The following PRSS56 variants were observed in gnomAD, a reference collection of about 807,000 sequenced individuals.
The protein encoded by PRSS56 is protease, serine 56.
Under a neutral mutation model 66.8 loss-of-function variants are expected in PRSS56, and 55 were observed. The ratio of observed to expected loss-of-function variants is 0.82; its 90% CI spans 0.66 to 1.03. The LOEUF is 1.03. Ranked by LOEUF, PRSS56 falls within the 50% of genes least tolerant of loss-of-function variation. PRSS56 has a pLI of 0.00. For synonymous variants in PRSS56, 409 were observed against 387.9 expected (o/e 1.05, Z -0.64); for missense variants, 869 against 837.2 (o/e 1.04, Z -0.47).
rs1691339994 is a variant in PRSS56 at position 232,523,900 on chromosome 2, G to A, written c.1141G>A (p.Ala381Thr). The stretch of plus-strand genomic sequence containing the variant: ...GTGCCCGGGGTCCCAGGGCGCCTGT[G>A]CGCGCCTGGCGCACCAGCAGTGCCT... ...RLCPGSQGAC[A>T]RLAHQQCLQR... is the part of the protein sequence containing the mutation. The change falls in exon 9 of 13, where the codon GCG (alanine) becomes ACG (threonine). Residue 381 changes from alanine (A) to threonine (T), a missense_variant. Physicochemically the swap from Ala to Thr is moderately conservative, Grantham distance 58. Around this residue, in one of 3 missense-constraint regions of PRSS56, gnomAD observed 551 missense variants for 506.9 expected, o/e 1.09. Coordinates refer to ENST00000617714, the MANE Select transcript of PRSS56 (RefSeq NM_001195129.2). 1 of 1,519,862 alleles carries A rather than the reference G, an allele frequency of 6.6e-7. No individual in the cohort carries two copies. Among genetic ancestry groups the A allele is most frequent in the Non-Finnish European group, 8.8e-7 (1 of 1,138,904 alleles). 94.1% of individuals were successfully genotyped at this position (1,519,862 alleles called of 1,614,324 possible). A position where few individuals can be genotyped will look rare whatever the true frequency, so the allele number is the denominator to read the frequency against.
In PRSS56 at chr2:232,522,561, C is replaced by CG. The variant is rs1559289170; in HGVS notation, c.499dup (p.Glu167GlyfsTer18). On this transcript the variant is annotated frameshift_variant, in exon 5 of 13. Transcript: ENST00000617714. LOFTEE classifies it high-confidence loss of function. ...GACTGTGACGCTGGCAGAGGGGTCC[C>CG]GGGGGGAGCAAGCGGAGGAGGTGCC... 9 of 1,535,258 alleles carry CG rather than the reference C, an allele frequency of 5.9e-6. No homozygotes were observed. In the Admixed American group the frequency reaches 9.8e-5, roughly 17 times the overall value.
intron 1 of PRSS56, 116 bp downstream of exon 1, chr2:232,520,811 C>T (rs1691260412): frequency 1.6e-6 from 1 of 639,202 alleles, no homozygotes; most frequent in African/African-American, 1.8e-5. Context: ...CCTTTGGCTC[C>T]TTCTGCCCAC....
rs1433739377 is a variant in PRSS56, at chr2:232,522,733, C to T, written c.578C>T (p.Ala193Val). ...CCGCGGACCTTCCACAACGACCTGG[C>T]CCTGGTGCAGCTGTGGACGCCGGTG... ...FDPRTFHNDL[A>V]LVQLWTPVSP... The change falls in exon 6 of 13, where the codon GCC becomes GTC. Residue 193 changes from alanine (A) to valine (V), a missense_variant. Transcript: ENST00000617714. The T allele has an allele frequency of 1.3e-6, 2 of 1,534,494 alleles. No individual in the cohort carries two copies. The highest frequency in any genetic ancestry group is 2.4e-5 in the East Asian group (1 of 40,836).
At position 232,524,192 on chromosome 2, in the gene PRSS56, G is replaced by A; in HGVS notation, c.1340G>A (p.Arg447Gln). The A allele has an allele frequency of 6.5e-7, 1 of 1,530,200 alleles. No homozygotes were observed. Among genetic ancestry groups the A allele is most frequent in the South Asian group, 1.2e-5 (1 of 83,704 alleles). The allele number at this position is 1,530,200 out of a possible 1,614,324, so 94.8% of individuals were successfully genotyped here. ...CCTCTGCACCCCGCCCGGGAGCTGC[G>A]GCTTCACTCAGGTACCCCGCGCCCT... ...ESPLHPAREL[R>Q]LHSGSRAAGT... Residue 447 changes from arginine (R) to glutamine (Q), a missense_variant, in exon 10 of 13, where the codon CGG (arginine) becomes CAG (glutamine). Physicochemically the swap from Arg to Gln is conservative, Grantham distance 43. Coordinates refer to ENST00000617714, the MANE Select transcript of PRSS56 (RefSeq NM_001195129.2).
At chr2:232,523,295 C>T (rs1347705134) in intron 7 of PRSS56, 93 bp downstream of exon 7, 7 of 1,422,406 alleles carry the variant, frequency 4.9e-6, no homozygotes, top group East Asian at 2.6e-5. Flanking sequence ...CACTCGACTT[C>T]TCTGAGCCTC....
chr2:232,523,138 C>T lies in PRSS56; in HGVS notation c.785C>T (p.Pro262Leu), dbSNP rs773531912. 1 of 1,532,086 alleles carries T rather than the reference C, an allele frequency of 6.5e-7. No individual in the cohort carries two copies. Among genetic ancestry groups the T allele is most frequent in the South Asian group, 1.2e-5 (1 of 83,604 alleles). The allele number at this position is 1,532,086 out of a possible 1,614,324, so 94.9% of individuals were successfully genotyped here. A position where few individuals can be genotyped will look rare whatever the true frequency, so the allele number is the denominator to read the frequency against. ...GACACCTGCCGAAGAGCCCTGGGGC[C>T]CGGGCTGCGCCCCAGCACCATGCTC... is the stretch of plus-strand genomic sequence containing the variant. Reference protein sequence around the residue: ...STDTCRRALGPGLRPSTMLCA... With the variant: ...STDTCRRALGLGLRPSTMLCA... The change falls in exon 7 of 13, where the codon CCC becomes CTC. Residue 262 changes from proline to leucine, a missense_variant. Transcript: ENST00000617714.
intron 1 of PRSS56, 94 bp from the exon 2 acceptor site, chr2:232,521,227 G>T: frequency 1.1e-6 from 1 of 948,338 alleles, no homozygotes; most frequent in East Asian, 2.6e-5. Context: ...CAGGCTGGTG[G>T]GTCTCCCGAG....
In PRSS56 at chr2:232,524,163, G is replaced by A. The variant is rs2106202552; in HGVS notation, c.1311G>A (p.Glu437=). ...CTCTCCCCGCTCCAGCGCTCAGGGAGTCTCCTCTGCACCCCGCCCGGGAGC... is the reference window on the plus strand; with the variant it reads ...CTCTCCCCGCTCCAGCGCTCAGGGAATCTCCTCTGCACCCCGCCCGGGAGC... ...ALALPAPALR[E]SPLHPARELR... is the part of the protein sequence containing the mutation. The change falls in exon 10 of 13, where the codon GAG becomes GAA. Residue 437 remains glutamate (E), a synonymous_variant. Coordinates refer to ENST00000617714, the MANE Select transcript of PRSS56 (RefSeq NM_001195129.2). 2 of 1,522,530 alleles carry A rather than the reference G, an allele frequency of 1.3e-6. No individual in the cohort carries two copies. Among genetic ancestry groups the A allele is most frequent in the South Asian group, 2.4e-5 (2 of 82,634 alleles). 94.3% of individuals were successfully genotyped at this position (1,522,530 alleles called of 1,614,324 possible).
chr2:232,521,719 C>G (rs1160279761), intron 2 of PRSS56, 97 bp from the exon 3 acceptor site: 1 of 1,234,584 alleles, frequency 8.1e-7, no homozygotes, highest in African/African-American at 1.5e-5. Context: ...GAGGGCTGAG[C>G]GCGAAAGGAG....
Position 232,522,709 on chromosome 2 carries a change from C to T in PRSS56, c.554C>T (p.Pro185Leu), listed in dbSNP as rs1251147670. Residue 185 changes from proline (P) to leucine (L), a missense_variant, in exon 6 of 13, where the codon CCG becomes CTG. Physicochemically the swap from Pro to Leu is moderately conservative, Grantham distance 98. This residue lies in a region of PRSS56 where 315 missense variants were observed against 313.7 expected (regional missense o/e 1.00). Transcript: ENST00000617714. ...NRILPHPKFDPRTFHNDLALV... is the reference protein window; with the variant it reads ...NRILPHPKFDLRTFHNDLALV... ...CCGCCTCCCCCTCCTCAGTTTGACC[C>T]GCGGACCTTCCACAACGACCTGGCC... The T allele has an allele frequency of 2.0e-6, 3 of 1,534,362 alleles. No individual in the cohort carries two copies. Among genetic ancestry groups the T allele is most frequent in the Admixed American group, 3.9e-5 (2 of 50,902 alleles).
chr2:232,524,624 A>G, intron 11 of PRSS56, 114 bp from the exon 12 acceptor site: 1 of 763,318 alleles, frequency 1.3e-6, no homozygotes, highest in Non-Finnish European at 2.1e-6. Context: ...CACCTATAGC[A>G]TAAGAGGATA....
At position 232,524,286 on chromosome 2, in the gene PRSS56, C is replaced by T. The variant is rs1235744211; in HGVS notation, c.1352-21C>T. On this transcript the variant is annotated intron_variant, in intron 10 of 12. Coordinates refer to ENST00000617714, the MANE Select transcript of PRSS56 (RefSeq NM_001195129.2). Reference sequence around the variant, plus strand: ...GCCACTTTCTCCGCCGAGGCGGTACCCTAACCCTGTGCCTCCCCAGGATCG... The same window carrying T: ...GCCACTTTCTCCGCCGAGGCGGTACTCTAACCCTGTGCCTCCCCAGGATCG... 6 of 1,535,596 alleles carry T rather than the reference C, an allele frequency of 3.9e-6. No homozygotes were observed. In the South Asian group the frequency reaches 5.9e-5, roughly 15 times the overall value.
In PRSS56 at chr2:232,524,131, G is replaced by A. The variant is rs1003172681; in HGVS notation, c.1279G>A (p.Ala427Thr). 1.3e-6 allele frequency: 2 copies of A among 1,510,268 alleles called. No homozygotes were observed. Among genetic ancestry groups the A allele is most frequent in the Non-Finnish European group, 1.8e-6 (2 of 1,136,544 alleles). 93.6% of individuals were successfully genotyped at this position (1,510,268 alleles called of 1,614,324 possible). The change falls in exon 10 of 13, where the codon GCC becomes ACC. Residue 427 changes from alanine to threonine, a missense_variant. Physicochemically the swap from Ala to Thr is moderately conservative, Grantham distance 58. This residue lies in a region of PRSS56 where 551 missense variants were observed against 506.9 expected (regional missense o/e 1.09). Transcript: ENST00000617714. Reference sequence around the variant, plus strand: ...TCCGGGACTGCGGCGCCTGGCCCCCGCCCTGGCTCTCCCCGCTCCAGCGCT... The same window carrying A: ...TCCGGGACTGCGGCGCCTGGCCCCCACCCTGGCTCTCCCCGCTCCAGCGCT... ...PRPGLRRLAPALALPAPALRE... is the reference protein window; with the variant it reads ...PRPGLRRLAPTLALPAPALRE...
rs539049972 is a variant in PRSS56 at position 232,524,115 on chromosome 2, G to A, written c.1263G>A (p.Leu421=). 56 of 1,512,902 alleles carry A rather than the reference G, an allele frequency of 3.7e-5. No homozygotes were observed. The East Asian group carries it at 1.4e-3, about 38-fold the overall frequency. 93.7% of individuals were successfully genotyped at this position (1,512,902 alleles called of 1,614,324 possible). A position where few individuals can be genotyped will look rare whatever the true frequency, so the allele number is the denominator to read the frequency against. ...AQELLGPRPG[L]RRLAPALALP... ...AGCTGCTCGGGCCTCGTCCGGGACTGCGGCGCCTGGCCCCCGCCCTGGCTC... is the reference window on the plus strand; with the variant it reads ...AGCTGCTCGGGCCTCGTCCGGGACTACGGCGCCTGGCCCCCGCCCTGGCTC... Residue 421 remains leucine, a synonymous_variant, in exon 10 of 13, where the codon CTG becomes CTA. Transcript: ENST00000617714.
chr2:232,522,890 G>A, intron 6 of PRSS56, 29 bp downstream of exon 6: 1 of 1,448,146 alleles, frequency 6.9e-7, no homozygotes, highest in Non-Finnish European at 9.1e-7. Flanking sequence ...CCGGCGCGTG[G>A]TGGGAAGAAC....
intron 8 of PRSS56, 91 bp downstream of exon 8, chr2:232,523,669 A>G: frequency 6.6e-7 from 1 of 1,514,898 alleles, no homozygotes; most frequent in Non-Finnish European, 8.8e-7. Flanking sequence ...GCCCATTCCC[A>G]GCTCCCTTCT....
Position 232,522,783 on chromosome 2 carries a change from G to C in PRSS56, c.628G>C (p.Val210Leu), listed in dbSNP as rs1409226116. The C allele has an allele frequency of 1.3e-6, 2 of 1,519,504 alleles. No individual in the cohort carries two copies. The highest frequency in any genetic ancestry group is 1.8e-6 in the Non-Finnish European group (2 of 1,136,058). 94.1% of individuals were successfully genotyped at this position (1,519,504 alleles called of 1,614,324 possible). A position where few individuals can be genotyped will look rare whatever the true frequency, so the allele number is the denominator to read the frequency against. The part of the protein sequence containing the change: ...PVSPGGSARP[V>L]CLPQEPQEPP... ...GAGCCCGGGGGGATCGGCGCGCCCC[G>C]TGTGCCTGCCCCAGGAGCCCCAGGA... Residue 210 changes from valine (V) to leucine (L), a missense_variant, in exon 6 of 13, where the codon GTG (valine) becomes CTG (leucine). Transcript: ENST00000617714.
intron 6 of PRSS56, 90 bp from the exon 7 acceptor site, chr2:232,522,969 AG>A: frequency 8.6e-7 from 1 of 1,166,928 alleles, no homozygotes; most frequent in South Asian, 1.6e-5. Context: ...GCTCTTTCAA[AG>A]GGGGAGGAAT....
intron 8 of PRSS56, 61 bp from the exon 9 acceptor site, chr2:232,523,711 G>T: frequency 1.3e-6 from 2 of 1,529,376 alleles, no homozygotes; most frequent in Non-Finnish European, 1.7e-6. Context: ...TTCCGGGGAA[G>T]GAGTGAGGGG....
Sources: gnomAD v4.1 joint callset for allele counts on GRCh38, gnomAD v4.1.1 for gene constraint, gnomAD v4.1.1 regional missense constraint, MANE v1.5 for transcripts, NCBI Gene and HGNC (gene_info 2026-07-23, HGNC 2026-07-21) for gene names.